Variants in CDK13 observed in about 807,000 individuals in gnomAD.
CDK13 encodes the protein cyclin dependent kinase 13, also known as cyclin-dependent kinase 13.
A neutral mutation model predicts 137.6 loss-of-function variants in CDK13; 40 were observed. The ratio of observed to expected loss-of-function variants is 0.29; its 90% CI spans 0.23 to 0.38. The LOEUF is 0.38. CDK13 is among the 10% of genes least tolerant of loss of function. The pLI is 1.00. For synonymous variants in CDK13, 869 were observed against 760.1 expected, an observed-to-expected ratio of 1.14 and a Z score of -2.36; for missense variants, 1,704 against 1,951.8, an observed-to-expected ratio of 0.87 and a Z score of 2.39.
At chr7:40,020,624 C>A (rs777600124) in intron 5 of CDK13, among the ~76,000 whole-genome samples, 10 of 152,170 alleles carry the variant, frequency 6.6e-5, no homozygotes, top group Non-Finnish European at 1.3e-4. Flanking sequence ...ACTCTTATAA[C>A]AGACACTACA....
intron 5 of CDK13, among the ~76,000 whole-genome samples, chr7:40,003,501 G>A (rs1784737263): frequency 6.6e-6 from 1 of 152,148 alleles, no homozygotes; most frequent in South Asian, 2.1e-4. Context: ...GAGACTTAGT[G>A]TATTAGTGGT....
intron 5 of CDK13, among the ~76,000 whole-genome samples, chr7:40,031,245 G>C (rs898949018): frequency 1.3e-5 from 2 of 152,160 alleles, no homozygotes; most frequent in African/African-American, 4.8e-5. Flanking sequence ...GTTAAGGCCG[G>C]GTGTGGTGGC....
At chr7:40,022,831 GA>G (rs750188701) in intron 5 of CDK13, among the ~76,000 whole-genome samples, 4 of 151,162 alleles carry the variant, frequency 2.6e-5, no homozygotes, top group Non-Finnish European at 5.9e-5. Flanking sequence ...AGATCCATAG[GA>G]AGAAAGTTTT....
At chr7:40,065,113 G>T (rs539681137) in intron 9 of CDK13, among the ~76,000 whole-genome samples, 1 of 151,568 alleles carries the variant, frequency 6.6e-6, no homozygotes, top group Non-Finnish European at 1.5e-5. Flanking sequence ...CAAGTAAAAA[G>T]GGTTAAGAAG....
At chr7:40,045,067 C>G (rs1319451611) in intron 5 of CDK13, among the ~76,000 whole-genome samples, 1 of 152,130 alleles carries the variant, frequency 6.6e-6, no homozygotes, top group Non-Finnish European at 1.5e-5. Flanking sequence ...GTTCTTTGCT[C>G]TGTTTTAAAA....
intron 7 of CDK13, chr7:40,049,021 T>G (rs1278063365): frequency 6.7e-6 from 1 of 149,696 alleles, no homozygotes; most frequent in Non-Finnish European, 1.5e-5. Context: ...CTGGCCAACA[T>G]GGTGAAACCC....
chr7:39,988,278 G>T lies in CDK13; in HGVS notation c.1871+20G>T. 3.9e-6 allele frequency: 6 copies of T among 1,553,626 alleles called. No homozygotes were observed. Among genetic ancestry groups the T allele is most frequent in the Non-Finnish European group, 4.3e-6 (5 of 1,150,176 alleles). ...TGATAGGTAAGTGCAAAAAGTATTT[G>T]TCAATAACTGTTCAAAGAAAAAATG... On this transcript the variant is annotated intron_variant, in intron 2 of 13. Coordinates refer to ENST00000181839, the MANE Select transcript of CDK13 (RefSeq NM_003718.5).
Position 40,097,911 on chromosome 7 carries a change from T to C in CDK13, c.*2931T>C, listed in dbSNP as rs1787078767. The C allele has an allele frequency of 6.6e-6, 1 of 152,142 alleles. No homozygotes were observed. 9.4% of individuals were successfully genotyped at this position (152,142 alleles called of 1,614,324 possible). A position where few individuals can be genotyped will look rare whatever the true frequency, so the allele number is the denominator to read the frequency against. ...AAATACATAGTCAGTGCCTACAACA[T>C]GCCAGGTAGTAATCTAGTCCTTGGG... On this transcript the variant is annotated 3_prime_UTR_variant, in exon 14 of 14. Coordinates refer to ENST00000181839, the MANE Select transcript of CDK13 (RefSeq NM_003718.5).
chr7:40,022,838 G>GT (rs949521360), intron 5 of CDK13, among the ~76,000 whole-genome samples: 2 of 148,930 alleles, frequency 1.3e-5, no homozygotes, highest in African/African-American at 4.9e-5. Flanking sequence ...TAGGAAGAAA[G>GT]TTTTTTTTCT....
intron 5 of CDK13, among the ~76,000 whole-genome samples, chr7:40,003,680 A>G (rs534597615): frequency 6.6e-6 from 1 of 152,174 alleles, no homozygotes; most frequent in Admixed American, 6.5e-5. Flanking sequence ...AGTGTATTTG[A>G]TTTTCCTCCA....
At chr7:40,063,167 C>A in intron 9 of CDK13, 67 bp downstream of exon 9, 1 of 1,224,818 alleles carries the variant, frequency 8.2e-7, no homozygotes, top group Non-Finnish European at 1.2e-6. Flanking sequence ...AATTTAAACT[C>A]TCCCAAGTTT....
intron 1 of CDK13, among the ~76,000 whole-genome samples, chr7:39,980,666 C>G (rs546394105): frequency 7.4e-4 from 113 of 152,280 alleles, no homozygotes; most frequent in African/African-American, 2.6e-3. Context: ...TTCTGTCATC[C>G]AGAAAGTTCC....
chr7:39,988,023 A>G lies in CDK13; in HGVS notation c.1636A>G (p.Thr546Ala). 1.9e-6 allele frequency: 3 copies of G among 1,614,202 alleles called. No homozygotes were observed. Among genetic ancestry groups the G allele is most frequent in the Non-Finnish European group, 2.5e-6 (3 of 1,179,996 alleles). ...KAKTKPPLQVTKVENNLIVDK... is the reference protein window; with the variant it reads ...KAKTKPPLQVAKVENNLIVDK... ...AAAAACAAAGCCACCTCTTCAGGTA[A>G]CGAAGGTGGAAAATAATTTGATTGT... The change falls in exon 2 of 14, where the codon ACG (threonine) becomes GCG (alanine). Residue 546 changes from threonine (T) to alanine (A), a missense_variant. Physicochemically the swap from Thr to Ala is moderately conservative, Grantham distance 58. Coordinates refer to ENST00000181839, the MANE Select transcript of CDK13 (RefSeq NM_003718.5).
At chr7:40,078,432 G>C in intron 10 of CDK13, 1 of 281,288 alleles carries the variant, frequency 3.6e-6, no homozygotes, top group Non-Finnish European at 6.5e-6. Flanking sequence ...AAACTATACT[G>C]TTCAGTTCTT....
intron 1 of CDK13, among the ~76,000 whole-genome samples, chr7:39,953,393 T>G (rs1218236397): frequency 4.6e-5 from 7 of 152,210 alleles, no homozygotes; most frequent in Admixed American, 3.9e-4. Context: ...ACTGGTTGGT[T>G]GAAGTTTCAG....
Position 40,078,098 on chromosome 7 carries a change from A to G in CDK13, c.2874A>G (p.Arg958=). 1 of 1,592,154 alleles carries G rather than the reference A, an allele frequency of 6.3e-7. No individual in the cohort carries two copies. The highest frequency in any genetic ancestry group is 8.6e-7 in the Non-Finnish European group (1 of 1,168,660). Residue 958 remains arginine, a synonymous_variant, in exon 10 of 14, where the codon CGA becomes CGG. Coordinates refer to ENST00000181839, the MANE Select transcript of CDK13 (RefSeq NM_003718.5). ...TGAAACCAAAGAAGCAATATCGTCG[A>G]AAGTTAAGAGAAGAATTTGTTTTGT... ...NTMKPKKQYR[R]KLREEFVFIP...
chr7:39,952,160 T>C, intron 1 of CDK13: 1 of 278,460 alleles, frequency 3.6e-6, no homozygotes, highest in Non-Finnish European at 6.6e-6. Context: ...CAGTTGCTCT[T>C]TGCTTTTCTG....
At chr7:40,019,000 A>G (rs770235975) in intron 5 of CDK13, among the ~76,000 whole-genome samples, 2 of 152,228 alleles carry the variant, frequency 1.3e-5, no homozygotes, top group African/African-American at 2.4e-5. Flanking sequence ...ACAATAGAGA[A>G]TTGTTGAACA....
At chr7:39,952,491 A>C (rs1195907064) in intron 1 of CDK13, 4 of 152,194 alleles carry the variant, frequency 2.6e-5, no homozygotes, top group African/African-American at 9.7e-5. Context: ...GATAGTTTTT[A>C]CCTGATCTTT....
Sources: gnomAD v4.1 joint callset for allele counts (sites outside exome capture counted in the v4.1 genomes callset) on GRCh38, gnomAD v4.1.1 for gene constraint, MANE v1.5 for transcripts, NCBI Gene and HGNC (gene_info 2026-07-23, HGNC 2026-07-21) for gene names.